Variants in MMP16 observed in about 807,000 individuals in gnomAD.
MMP16 encodes matrix metalloproteinase-16.
A neutral mutation model predicts 67.8 loss-of-function variants in MMP16; 12 were observed. That is an observed-to-expected ratio of 0.18 (90% CI 0.11 to 0.29). The LOEUF (loss-of-function observed/expected upper bound fraction) is 0.29. Among genes scored for constraint, MMP16 ranks in the 10% least tolerant of loss-of-function variants. The probability of loss-of-function intolerance (pLI) is 1.00; values close to 1 mark genes in which losing one functional copy is unlikely to be tolerated. For synonymous variants in MMP16, 249 were observed against 255.9 expected (o/e 0.97, Z 0.26); for missense variants, 475 against 765.7 (o/e 0.62, Z 4.48).
intron 9 of MMP16, among the ~76,000 whole-genome samples, chr8:88,043,522 T>A (rs1808160053): frequency 6.6e-6 from 1 of 152,122 alleles, no homozygotes; most frequent in Admixed American, 6.6e-5. Flanking sequence ...ACCTCGGAGA[T>A]CGCCTATCTT....
chr8:88,280,890 GT>G (rs66879377), intron 1 of MMP16, among the ~76,000 whole-genome samples: 18,431 of 151,922 alleles, frequency 0.12, 1,235 homozygotes, highest in Non-Finnish European at 0.14. Flanking sequence ...ATCTCACTCT[GT>G]TTTTTTCACT....
intron 4 of MMP16, among the ~76,000 whole-genome samples, chr8:88,166,191 G>A (rs2129697164): frequency 6.6e-6 from 1 of 152,058 alleles, no homozygotes; most frequent in African/African-American, 2.4e-5. Flanking sequence ...AACAAACAAA[G>A]CTTAATGTCA....
At chr8:88,109,621 A>G (rs951455015) in intron 6 of MMP16, among the ~76,000 whole-genome samples, 1 of 151,334 alleles carries the variant, frequency 6.6e-6, no homozygotes, top group Non-Finnish European at 1.5e-5. Context: ...AAAAAATCAG[A>G]AAAGTGTTAC....
chr8:88,325,015 A>C (rs1811515665), intron 1 of MMP16, among the ~76,000 whole-genome samples: 1 of 152,204 alleles, frequency 6.6e-6, no homozygotes, highest in South Asian at 2.1e-4. Flanking sequence ...ATTAAGCAAG[A>C]TTTTAAAGGT....
At chr8:88,269,993 A>T (rs1810540236) in intron 1 of MMP16, among the ~76,000 whole-genome samples, 1 of 152,228 alleles carries the variant, frequency 6.6e-6, no homozygotes. Context: ...GTTAGAATCA[A>T]GTATACAGCA....
At chr8:88,269,233 C>T (rs952167441) in intron 1 of MMP16, among the ~76,000 whole-genome samples, 2 of 152,120 alleles carry the variant, frequency 1.3e-5, no homozygotes, top group East Asian at 3.9e-4. Context: ...CTATGTAGTA[C>T]CTCAAAATGG....
At chr8:88,106,841 A>G (rs1383300491) in intron 6 of MMP16, among the ~76,000 whole-genome samples, 1 of 151,144 alleles carries the variant, frequency 6.6e-6, no homozygotes, top group Non-Finnish European at 1.5e-5. Context: ...AACACTTCCT[A>G]CATGTGTATT....
At chr8:88,206,365 C>T (rs867852375) in intron 1 of MMP16, among the ~76,000 whole-genome samples, 9 of 152,234 alleles carry the variant, frequency 5.9e-5, no homozygotes, top group South Asian at 2.1e-4. Context: ...CCAGCTGGGG[C>T]CACTGTTTGT....
intron 1 of MMP16, among the ~76,000 whole-genome samples, chr8:88,313,865 A>T (rs1811336896): frequency 6.6e-6 from 1 of 152,144 alleles, no homozygotes; most frequent in African/African-American, 2.4e-5. Flanking sequence ...TTGTGCAGAG[A>T]AACTCCCCCT....
chr8:88,051,201 A>G (rs1409013215), intron 8 of MMP16, among the ~76,000 whole-genome samples: 1 of 152,172 alleles, frequency 6.6e-6, no homozygotes, highest in Non-Finnish European at 1.5e-5. Context: ...TTATATTTTA[A>G]TTTCCAACAT....
chr8:88,319,837 G>A (rs148980641), intron 1 of MMP16, among the ~76,000 whole-genome samples: 1 of 152,196 alleles, frequency 6.6e-6, no homozygotes, highest in East Asian at 1.9e-4. Flanking sequence ...TAGTTTATTT[G>A]GGTTTCTTTG....
intron 1 of MMP16, among the ~76,000 whole-genome samples, chr8:88,283,568 C>A (rs28986507): frequency 1.7e-4 from 26 of 152,082 alleles, no homozygotes; most frequent in African/African-American, 6.3e-4. Flanking sequence ...AGGCACCTCC[C>A]CACTCTCTCT....
chr8:88,300,664 T>A (rs967440902), intron 1 of MMP16, among the ~76,000 whole-genome samples: 10 of 152,208 alleles, frequency 6.6e-5, no homozygotes, highest in African/African-American at 2.2e-4. Context: ...CAGAAAAAAA[T>A]ATATATGTAG....
At chr8:88,176,554 T>C (rs1808893633) in intron 3 of MMP16, among the ~76,000 whole-genome samples, 1 of 152,208 alleles carries the variant, frequency 6.6e-6, no homozygotes. Context: ...GATTATACAT[T>C]TTAGTTCCAT....
At chr8:88,301,093 A>T (rs1278418839) in intron 1 of MMP16, among the ~76,000 whole-genome samples, 1 of 152,192 alleles carries the variant, frequency 6.6e-6, no homozygotes, top group Non-Finnish European at 1.5e-5. Context: ...TATCTTGTAC[A>T]AAAAACAGTA....
chr8:88,230,033 A>G (rs772164629), intron 1 of MMP16, among the ~76,000 whole-genome samples: 2 of 152,152 alleles, frequency 1.3e-5, no homozygotes, highest in Non-Finnish European at 2.9e-5. Context: ...AATAAAATGT[A>G]TCAACAAGCC....
chr8:88,309,982 C>T (rs888902840), intron 1 of MMP16, among the ~76,000 whole-genome samples: 1 of 152,076 alleles, frequency 6.6e-6, no homozygotes, highest in Non-Finnish European at 1.5e-5. Flanking sequence ...CCTTTTTCCT[C>T]ATCCACGTAG....
chr8:88,137,298 G>A (rs1316966613), intron 4 of MMP16, among the ~76,000 whole-genome samples: 1 of 151,710 alleles, frequency 6.6e-6, no homozygotes, highest in Non-Finnish European at 1.5e-5. Flanking sequence ...CTATTTTAGA[G>A]GCAACTCCTC....
rs180786304 is a variant in MMP16 at position 88,296,228 on chromosome 8, T to C, written c.132+30847A>G. Among the ~76,000 whole-genome samples, 34 of 152,306 alleles carry C rather than the reference T, an allele frequency of 2.2e-4. No individual in the cohort carries two copies. The East Asian group carries it at 6.6e-3, about 29-fold the overall frequency. ...ATGGATAATAATATAACTCTATCTT[T>C]AACAATTCTGAATAATATCTGTAAT... On this transcript the variant is annotated intron_variant, in intron 1 of 9. Coordinates refer to ENST00000286614, the MANE Select transcript of MMP16 (RefSeq NM_005941.5).
Sources: gnomAD v4.1 joint callset for allele counts (sites outside exome capture counted in the v4.1 genomes callset) on GRCh38, gnomAD v4.1.1 for gene constraint, MANE v1.5 for transcripts, NCBI Gene and HGNC (gene_info 2026-07-23, HGNC 2026-07-21) for gene names.